Variants in ADGB observed in about 807,000 individuals in gnomAD.
ADGB encodes androglobin.
ADGB carries 172 observed loss-of-function variants against 210.5 expected under a neutral mutation model. The observed-to-expected ratio is 0.82, with a 90% CI of 0.72 to 0.93. ADGB has a LOEUF of 0.93. ADGB is among the 40% of genes least tolerant of loss of function. ADGB has a pLI of 0.00. For synonymous variants in ADGB, 658 were observed against 662.7 expected, an observed-to-expected ratio of 0.99 and a Z score of 0.11; for missense variants, 2,025 against 1,964.8, an observed-to-expected ratio of 1.03 and a Z score of -0.58.
intron 29 of ADGB, among the ~76,000 whole-genome samples, chr6:146,773,185 T>C (rs528081079): frequency 6.6e-6 from 1 of 152,166 alleles, no homozygotes; most frequent in African/African-American, 2.4e-5. Flanking sequence ...TAATTATTAA[T>C]ATTAAGACTT....
intron 27 of ADGB, among the ~76,000 whole-genome samples, chr6:146,756,766 C>T (rs980797565): frequency 3.6e-4 from 55 of 151,402 alleles, no homozygotes; most frequent in African/African-American, 1.3e-3. Flanking sequence ...GAGATGGAGT[C>T]TCACTCTGTC....
intron 35 of ADGB, among the ~76,000 whole-genome samples, chr6:146,807,025 G>A (rs560929587): frequency 2.0e-5 from 3 of 152,126 alleles, no homozygotes; most frequent in Non-Finnish European, 4.4e-5. Context: ...TTTTGTCAAG[G>A]ATAGCATACA....
chr6:146,705,411 T>G (rs1776555140), intron 13 of ADGB, among the ~76,000 whole-genome samples: 1 of 152,184 alleles, frequency 6.6e-6, no homozygotes, highest in Non-Finnish European at 1.5e-5. Flanking sequence ...GCTATGAGTT[T>G]GTCATATATG....
At chr6:146,734,322 TA>T (rs1385439768) in intron 22 of ADGB, among the ~76,000 whole-genome samples, 1 of 152,196 alleles carries the variant, frequency 6.6e-6, no homozygotes, top group East Asian at 1.9e-4. Context: ...CAAGTTCTTT[TA>T]AAACAGGGAA....
At chr6:146,692,501 CTT>C (rs1776344045) in intron 11 of ADGB, among the ~76,000 whole-genome samples, 7 of 152,052 alleles carry the variant, frequency 4.6e-5, no homozygotes, top group Admixed American at 3.9e-4. Flanking sequence ...TAGTAAAAGA[CTT>C]TTATAGAAAC....
intron 20 of ADGB, among the ~76,000 whole-genome samples, chr6:146,729,464 CT>C (rs1230699474): frequency 6.6e-6 from 1 of 151,916 alleles, no homozygotes; most frequent in East Asian, 1.9e-4. Flanking sequence ...GAGATGGGGT[CT>C]TGCTCTGTCA....
chr6:146,677,314 G>A (rs747386513), intron 9 of ADGB, among the ~76,000 whole-genome samples: 2 of 151,932 alleles, frequency 1.3e-5, no homozygotes, highest in Non-Finnish European at 2.9e-5. Context: ...CAGAGTGCAG[G>A]TTATCATTTT....
intron 33 of ADGB, among the ~76,000 whole-genome samples, chr6:146,797,496 G>C (rs1372818832): frequency 1.3e-5 from 2 of 151,778 alleles, no homozygotes; most frequent in Non-Finnish European, 2.9e-5. Context: ...AGTAGATAAA[G>C]AAAATGTGGT....
At chr6:146,678,716 G>A (rs1776117455) in intron 9 of ADGB, among the ~76,000 whole-genome samples, 1 of 152,150 alleles carries the variant, frequency 6.6e-6, no homozygotes, top group African/African-American at 2.4e-5. Context: ...AATGGCAGAA[G>A]ACATGTAGAG....
intron 1 of ADGB, among the ~76,000 whole-genome samples, chr6:146,634,987 A>G (rs1775390741): frequency 6.6e-6 from 1 of 152,110 alleles, no homozygotes. Flanking sequence ...AAGTATATGC[A>G]AAATGACTTA....
intron 29 of ADGB, among the ~76,000 whole-genome samples, chr6:146,771,479 G>C (rs1211570930): frequency 6.6e-6 from 1 of 151,642 alleles, no homozygotes; most frequent in African/African-American, 2.4e-5. Flanking sequence ...TTTTGTTCTC[G>C]CTTAAAGTAA....
At chr6:146,672,185 C>A (rs868367400) in intron 7 of ADGB, 35 bp from the exon 8 acceptor site, 4 of 1,439,956 alleles carry the variant, frequency 2.8e-6, no homozygotes, top group East Asian at 2.6e-5. Flanking sequence ...AAAAAAACAT[C>A]GTTTGGAAAT....
At chr6:146,685,531 C>T (rs1246948411) in intron 9 of ADGB, among the ~76,000 whole-genome samples, 4 of 151,922 alleles carry the variant, frequency 2.6e-5, no homozygotes, top group African/African-American at 4.8e-5. Flanking sequence ...ATAGTAACAA[C>T]GTGAACTTAA....
intron 1 of ADGB, among the ~76,000 whole-genome samples, chr6:146,634,137 G>C (rs769871060): frequency 6.6e-6 from 1 of 152,036 alleles, no homozygotes; most frequent in Non-Finnish European, 1.5e-5. Flanking sequence ...TGTTACAGTT[G>C]CCTGCAATAT....
intron 27 of ADGB, among the ~76,000 whole-genome samples, chr6:146,760,405 G>A (rs1021522948): frequency 1.1e-4 from 16 of 151,674 alleles, no homozygotes; most frequent in African/African-American, 3.9e-4. Flanking sequence ...ATGTTTTTAA[G>A]TTATATCCAT....
chr6:146,771,971 A>G (rs1777658723), intron 29 of ADGB, among the ~76,000 whole-genome samples: 1 of 152,122 alleles, frequency 6.6e-6, no homozygotes, highest in Admixed American at 6.6e-5. Flanking sequence ...GGGCTTTTTC[A>G]TGAGTTGCCT....
At chr6:146,624,312 G>A (rs1472726569) in intron 1 of ADGB, among the ~76,000 whole-genome samples, 1 of 151,782 alleles carries the variant, frequency 6.6e-6, no homozygotes, top group Admixed American at 6.6e-5. Context: ...AATATTGTTA[G>A]TTTGCATATT....
At chr6:146,776,145 C>G (rs188207734) in intron 29 of ADGB, among the ~76,000 whole-genome samples, 21 of 152,144 alleles carry the variant, frequency 1.4e-4, no homozygotes, top group African/African-American at 5.1e-4. Flanking sequence ...ACAAAATACT[C>G]CCTAAGCACT....
chr6:146,709,890 A>G (rs962392139), intron 13 of ADGB, among the ~76,000 whole-genome samples: 1 of 152,082 alleles, frequency 6.6e-6, no homozygotes, highest in Non-Finnish European at 1.5e-5. Flanking sequence ...CCTTTCACCA[A>G]GTTTCTTTAG....
Sources: gnomAD v4.1 joint callset for allele counts (sites outside exome capture counted in the v4.1 genomes callset) on GRCh38, gnomAD v4.1.1 for gene constraint, MANE v1.5 for transcripts, NCBI Gene and HGNC (gene_info 2026-07-23, HGNC 2026-07-21) for gene names.